Variants in PPP2R5C observed in about 807,000 individuals in gnomAD.
PPP2R5C encodes the protein protein phosphatase 2 regulatory subunit B'gamma.
In PPP2R5C, 7 loss-of-function variants were observed where a neutral mutation model predicts 68.9. That is an observed-to-expected ratio of 0.10 (90% CI 0.06 to 0.19). The LOEUF is 0.19. Among genes scored for constraint, PPP2R5C ranks in the 10% least tolerant of loss-of-function variants. PPP2R5C has a pLI of 1.00. For missense variants in PPP2R5C, 348 were observed against 641.3 expected, an observed-to-expected ratio of 0.54 and a Z score of 4.94; for synonymous variants, 210 against 222.2, an observed-to-expected ratio of 0.95 and a Z score of 0.49.
chr14:101,847,946 G>A (rs2041939259), intron 1 of PPP2R5C, among the ~76,000 whole-genome samples: 1 of 152,056 alleles, frequency 6.6e-6, no homozygotes, highest in Admixed American at 6.5e-5. Context: ...CTGCGCCACT[G>A]TGCCCGGCAT....
chr14:101,783,565 G>A (rs552526770), intron 2 of PPP2R5C, among the ~76,000 whole-genome samples: 1 of 151,938 alleles, frequency 6.6e-6, no homozygotes, highest in Non-Finnish European at 1.5e-5. Flanking sequence ...AAAAGGCCAA[G>A]GGCCCCTTTG....
At chr14:101,812,417 GCTGTC>G (rs2039419394) in intron 1 of PPP2R5C, among the ~76,000 whole-genome samples, 1 of 152,188 alleles carries the variant, frequency 6.6e-6, no homozygotes. Context: ...GTGGGCATGC[GCTGTC>G]CTTCCCGTTT....
Position 101,901,901 on chromosome 14 carries a change from T to C in PPP2R5C, c.1023+12T>C. 2 of 1,609,806 alleles carry C rather than the reference T, an allele frequency of 1.2e-6. No homozygotes were observed. The highest frequency in any genetic ancestry group is 1.7e-6 in the Non-Finnish European group (2 of 1,176,956). The stretch of plus-strand genomic sequence containing the variant: ...GCCCACACTTCCAGGTATGTGGGGC[T>C]TGGGGGACCTGATTAAATTCTTCCA... On this transcript the variant is annotated intron_variant, in intron 9 of 13. Transcript: ENST00000334743.
chr14:101,908,900 G>A (rs1595531942), intron 10 of PPP2R5C, among the ~76,000 whole-genome samples: 1 of 152,120 alleles, frequency 6.6e-6, no homozygotes, highest in Non-Finnish European at 1.5e-5. Flanking sequence ...TGAGGGTTAC[G>A]TTTTTTGGGA....
chr14:101,824,785 T>C (rs898408540), intron 1 of PPP2R5C: 3 of 152,566 alleles, frequency 2.0e-5, no homozygotes, highest in African/African-American at 7.2e-5. Flanking sequence ...GTGTCTGCGC[T>C]GGCTTCAGGA....
At position 101,913,214 on chromosome 14, in the gene PPP2R5C, G is replaced by A. The variant is rs2046488090; in HGVS notation, c.1326+741G>A. ...CCTCTTAAAAAGAAAATCTTTTTCAGAAAATCTTTTGTCTGAATCTTTGCC... is the reference window on the plus strand; with the variant it reads ...CCTCTTAAAAAGAAAATCTTTTTCAAAAAATCTTTTGTCTGAATCTTTGCC... On this transcript the variant is annotated intron_variant, in intron 12 of 13. Coordinates refer to ENST00000334743, the Ensembl canonical transcript of PPP2R5C. The surrounding 1 kb of genome is among the most constrained non-coding windows in gnomAD (Gnocchi z 4.1). Among the ~76,000 whole-genome samples the A allele has an allele frequency of 6.6e-6, 1 of 152,208 alleles. No individual in the cohort carries two copies. The highest frequency in any genetic ancestry group is 6.5e-5 in the Admixed American group (1 of 15,280).
chr14:101,900,092 G>T (rs947076323), intron 8 of PPP2R5C, among the ~76,000 whole-genome samples: 13 of 152,096 alleles, frequency 8.5e-5, no homozygotes, highest in African/African-American at 3.1e-4. Flanking sequence ...TCACCACGGT[G>T]CCCAGGTCGG....
chr14:101,822,084 C>A (rs1193195205), intron 1 of PPP2R5C, among the ~76,000 whole-genome samples: 2 of 136,908 alleles, frequency 1.5e-5, no homozygotes, highest in Admixed American at 7.1e-5. Flanking sequence ...CCCCTGCCCC[C>A]CCCCCACACA....
rs2040348714 is a variant in PPP2R5C, at chr14:101,825,540, C to G, written c.94+15504C>G. ...ACGCTCATCGATGAGGGCAACAGAACACAGCATGCAGGCGGAACTGTGCAG... is the reference window on the plus strand; with the variant it reads ...ACGCTCATCGATGAGGGCAACAGAAGACAGCATGCAGGCGGAACTGTGCAG... On this transcript the variant is annotated intron_variant, in intron 1 of 13. Transcript: ENST00000334743. This position sits in a 1 kb window ranked among gnomAD's most constrained non-coding sequence, Gnocchi z 4.0. Among the ~76,000 whole-genome samples, 1 of 152,168 alleles carries G rather than the reference C, an allele frequency of 6.6e-6. No homozygotes were observed. Among genetic ancestry groups the G allele is most frequent in the Non-Finnish European group, 1.5e-5 (1 of 68,040 alleles).
intron 8 of PPP2R5C, among the ~76,000 whole-genome samples, chr14:101,900,220 T>C (rs2045597833): frequency 6.6e-6 from 1 of 152,190 alleles, no homozygotes; most frequent in South Asian, 2.1e-4. Flanking sequence ...TTTGGAGTTT[T>C]ATAAAGTGTA....
intron 6 of PPP2R5C, 77 bp downstream of exon 8, chr14:101,890,373 G>T: frequency 7.2e-7 from 1 of 1,389,626 alleles, no homozygotes; most frequent in Non-Finnish European, 1.0e-6. Context: ...GAGTCCAGCT[G>T]CCCGCTTTAA....
At chr14:101,901,546 A>G (rs1447331105) in intron 8 of PPP2R5C, among the ~76,000 whole-genome samples, 173 bp from the exon 11 acceptor site, 1 of 152,252 alleles carries the variant, frequency 6.6e-6, no homozygotes, top group Non-Finnish European at 1.5e-5. Flanking sequence ...TACTTCTCAA[A>G]TACAGAAAAT....
chr14:101,792,229 T>C (rs932158125), intron 3 of PPP2R5C, among the ~76,000 whole-genome samples: 1 of 152,256 alleles, frequency 6.6e-6, no homozygotes, highest in African/African-American at 2.4e-5. Context: ...TGATGCTAAA[T>C]TTTCAGTTTT....
rs1414348141 is a variant in PPP2R5C at position 101,801,542 on chromosome 14, T to A, written c.259+15359T>A. On this transcript the variant is annotated intron_variant, in intron 3 of 14. Transcript: ENST00000328724. ...CACTAGGTATGTGGGATAATCCCTT[T>A]GGCATTAAAGTAGTTTCCAGTATTT... is the stretch of plus-strand genomic sequence containing the variant. 5.9e-5 allele frequency among the ~76,000 whole-genome samples: 9 copies of A among 152,350 alleles called. No homozygotes were observed. In the South Asian group the frequency reaches 1.9e-3, roughly 32 times the overall value.
chr14:101,777,396 C>G (rs1045899867), intron 2 of PPP2R5C, among the ~76,000 whole-genome samples: 26 of 152,096 alleles, frequency 1.7e-4, no homozygotes, highest in Admixed American at 1.2e-3. Flanking sequence ...GTTGCCCAGG[C>G]TGGAGTATAG....
chr14:101,793,567 A>G (rs1341486176), intron 3 of PPP2R5C, among the ~76,000 whole-genome samples: 3 of 152,168 alleles, frequency 2.0e-5, no homozygotes, highest in African/African-American at 7.2e-5. Context: ...CAAACCCCAT[A>G]CCAGCCCCAT....
chr14:101,918,365 TCCTTGCCCCTCCCCCTGTCCCCTCACCC>T (rs1186689207), intron 13 of PPP2R5C, among the ~76,000 whole-genome samples: 146 of 130,910 alleles, frequency 1.1e-3, no homozygotes, highest in African/African-American at 2.5e-3. Flanking sequence ...CACCTCACCC[TCCTTGCCCCTCCCCCTGTCCCCTCACCC>T]CCTTGCCCCT....
intron 13 of PPP2R5C, among the ~76,000 whole-genome samples, chr14:101,918,327 C>T (rs1480078602): frequency 2.0e-5 from 3 of 150,988 alleles, no homozygotes; most frequent in Non-Finnish European, 3.0e-5. Flanking sequence ...CTCTTCACAG[C>T]GGGTGCTAAC....
intron 2 of PPP2R5C, among the ~76,000 whole-genome samples, chr14:101,779,283 T>C (rs2037562381): frequency 6.6e-6 from 1 of 152,108 alleles, no homozygotes; most frequent in Non-Finnish European, 1.5e-5. Flanking sequence ...GATGTGTCCA[T>C]GCTCTCAACA....
Sources: gnomAD v4.1 joint callset for allele counts (sites outside exome capture counted in the v4.1 genomes callset) on GRCh38, gnomAD v4.1.1 for gene constraint, Gnocchi (gnomAD v3.1) non-coding constraint, MANE v1.5 for transcripts, NCBI Gene and HGNC (gene_info 2026-07-23, HGNC 2026-07-21) for gene names.